BBOX1: variants seen among roughly 807,000 people sequenced by gnomAD.
The protein encoded by BBOX1 is gamma-butyrobetaine dioxygenase.
In BBOX1, 35 loss-of-function variants were observed where a neutral mutation model predicts 41.6. The observed-to-expected ratio is 0.84, with a 90% CI of 0.64 to 1.11. The LOEUF (loss-of-function observed/expected upper bound fraction) is 1.11. BBOX1 is among the 50% of genes most tolerant of loss of function. The pLI, the probability that BBOX1 is intolerant of heterozygous loss-of-function variation, is 0.00. For synonymous variants in BBOX1, 163 were observed against 154.7 expected (o/e 1.05, Z -0.40); for missense variants, 458 against 460.6 (o/e 0.99, Z 0.05).
intron 5 of BBOX1, among the ~76,000 whole-genome samples, chr11:27,109,836 C>T (rs1858993720): frequency 6.6e-6 from 1 of 151,952 alleles, no homozygotes; most frequent in Non-Finnish European, 1.5e-5. Flanking sequence ...GGGTAGAATA[C>T]CAGACTAGAG....
At chr11:27,092,935 T>C (rs935253527) in intron 4 of BBOX1, among the ~76,000 whole-genome samples, 2 of 151,930 alleles carry the variant, frequency 1.3e-5, no homozygotes, top group Non-Finnish European at 2.9e-5. Flanking sequence ...ATGGGGCATA[T>C]TGAATACCTG....
In BBOX1 at chr11:27,104,981, G is replaced by A. The variant is rs112314789; in HGVS notation, c.534-10471G>A. Among the ~76,000 whole-genome samples the A allele has an allele frequency of 4.9e-4, 74 of 152,254 alleles. 2 individuals carry two copies. The highest frequency in any genetic ancestry group is 1.8e-3 in the African/African-American group (73 of 41,564). On this transcript the variant is annotated intron_variant, in intron 5 of 8. Transcript: ENST00000263182. ...CTGCTGCTGATACCTAGGAAAACAGGGTCTGGAGTGGACCTCCAGCAAACT... is the reference window on the plus strand; with the variant it reads ...CTGCTGCTGATACCTAGGAAAACAGAGTCTGGAGTGGACCTCCAGCAAACT...
intron 5 of BBOX1, among the ~76,000 whole-genome samples, chr11:27,096,153 C>A (rs548857538): frequency 1.3e-5 from 2 of 152,050 alleles, no homozygotes; most frequent in South Asian, 2.1e-4. Context: ...AACTGGGGTG[C>A]TTTATATCAT....
chr11:27,111,923 T>A (rs968782006), intron 5 of BBOX1, among the ~76,000 whole-genome samples: 16 of 151,910 alleles, frequency 1.1e-4, no homozygotes, highest in African/African-American at 3.9e-4. Context: ...CCTTGACGAA[T>A]TAATGGATAT....
chr11:27,103,608 C>A (rs1432296362), intron 5 of BBOX1, among the ~76,000 whole-genome samples: 1 of 151,266 alleles, frequency 6.6e-6, no homozygotes, highest in Non-Finnish European at 1.5e-5. Context: ...ATACATCAGT[C>A]CATTTTTGAG....
At chr11:27,079,144 T>C (rs2134011620) in intron 4 of BBOX1, among the ~76,000 whole-genome samples, 1 of 152,292 alleles carries the variant, frequency 6.6e-6, no homozygotes, top group East Asian at 1.9e-4. Flanking sequence ...TATTCCTGAT[T>C]AAGCACATGA....
intron 5 of BBOX1, among the ~76,000 whole-genome samples, chr11:27,107,032 G>A (rs1334414194): frequency 6.6e-6 from 1 of 152,072 alleles, no homozygotes; most frequent in Non-Finnish European, 1.5e-5. Flanking sequence ...GATGTTCTTT[G>A]AAACCAACGA....
intron 5 of BBOX1, 41 bp downstream of exon 5, chr11:27,093,407 G>T (rs1232261353): frequency 6.3e-7 from 1 of 1,597,182 alleles, no homozygotes; most frequent in Non-Finnish European, 8.6e-7. Flanking sequence ...TCACAGATAA[G>T]GTTTGAAATA....
In BBOX1 at chr11:27,127,373, C is replaced by T; in HGVS notation, c.1084C>T (p.Leu362=). ...YEAGTEISRH[L]EGAYADWDVV... ...AGCAGGAACTGAGATATCCCGCCAT[C>T]TAGAAGGAGCTTATGCTGACTGGGA... The change falls in exon 9 of 9, where the codon CTA becomes TTA. Residue 362 remains leucine (L), a synonymous_variant. Transcript: ENST00000263182. The T allele has an allele frequency of 6.2e-7, 1 of 1,614,148 alleles. No individual in the cohort carries two copies.
At chr11:27,077,517 G>A (rs1052508217) in intron 4 of BBOX1, among the ~76,000 whole-genome samples, 2 of 150,516 alleles carry the variant, frequency 1.3e-5, no homozygotes, top group African/African-American at 2.5e-5. Flanking sequence ...AAGTTCCTGT[G>A]TTGCTTCTTG....
chr11:27,081,363 T>C (rs889893773), intron 4 of BBOX1, among the ~76,000 whole-genome samples: 27 of 152,178 alleles, frequency 1.8e-4, no homozygotes, highest in Non-Finnish European at 2.9e-5. Context: ...GCTTCATCCA[T>C]GTCCCTGCAA....
rs1338512587 is a variant in BBOX1, at chr11:27,066,605, G to C, written c.334+9290G>C. The C allele has an allele frequency of 1.6e-4, 22 of 137,792 alleles. No individual in the cohort carries two copies. In the South Asian group the frequency reaches 3.6e-3, roughly 23 times the overall value. The allele number at this position is 137,792 out of a possible 1,614,324, so 8.5% of individuals were successfully genotyped here. On this transcript the variant is annotated intron_variant, in intron 4 of 8. Coordinates refer to ENST00000263182, the MANE Select transcript of BBOX1 (RefSeq NM_003986.3). Reference sequence around the variant, plus strand: ...CTTAAATTTCTTCTTTTAGATTTTAGAACCAAACTTCCAAATGTGCCCATC... The same window carrying C: ...CTTAAATTTCTTCTTTTAGATTTTACAACCAAACTTCCAAATGTGCCCATC...
chr11:27,109,917 T>C (rs1297086430), intron 5 of BBOX1, among the ~76,000 whole-genome samples: 1 of 152,056 alleles, frequency 6.6e-6, no homozygotes, highest in African/African-American at 2.4e-5. Flanking sequence ...CATATGTGAA[T>C]GGAGATTTTA....
chr11:27,102,340 A>G (rs1222081846), intron 5 of BBOX1, among the ~76,000 whole-genome samples: 1 of 152,130 alleles, frequency 6.6e-6, no homozygotes, highest in Non-Finnish European at 1.5e-5. Flanking sequence ...ACAGATACAG[A>G]AAGTCGCATA....
chr11:27,116,633 C>T (rs1859274177), intron 6 of BBOX1, among the ~76,000 whole-genome samples: 1 of 151,930 alleles, frequency 6.6e-6, no homozygotes, highest in Non-Finnish European at 1.5e-5. Flanking sequence ...GACAGATTGA[C>T]TTTCACTGAG....
intron 2 of BBOX1, among the ~76,000 whole-genome samples, chr11:27,043,549 TTGAC>T (rs1590158070): frequency 6.7e-6 from 1 of 149,860 alleles, no homozygotes; most frequent in African/African-American, 2.4e-5. Flanking sequence ...TTTCTTTCTC[TTGAC>T]TAATTGCCCT....
intron 5 of BBOX1, among the ~76,000 whole-genome samples, chr11:27,114,635 T>A (rs1318350809): frequency 6.6e-6 from 1 of 151,794 alleles, no homozygotes; most frequent in African/African-American, 2.4e-5. Flanking sequence ...CATGCCAATA[T>A]CATTCAATAG....
intron 5 of BBOX1, among the ~76,000 whole-genome samples, chr11:27,093,959 A>T (rs1858341871): frequency 6.6e-6 from 1 of 151,998 alleles, no homozygotes; most frequent in Non-Finnish European, 1.5e-5. Flanking sequence ...GAGATGAAAG[A>T]CTGTGTTTCT....
intron 7 of BBOX1, among the ~76,000 whole-genome samples, chr11:27,123,023 G>A (rs992243309): frequency 1.3e-5 from 2 of 151,966 alleles, no homozygotes; most frequent in Admixed American, 1.3e-4. Context: ...TTTCATTTTA[G>A]GTTGGTCTTC....
Sources: allele counts gnomAD v4.1 joint callset (sites outside exome capture counted in the v4.1 genomes callset), GRCh38; gene constraint gnomAD v4.1.1; transcripts MANE v1.5; gene names NCBI Gene and HGNC (gene_info 2026-07-23, HGNC 2026-07-21).